The following PEX3 variants were observed in gnomAD, a reference collection of about 807,000 sequenced individuals.
PEX3 encodes peroxin-3.
In PEX3, 30 loss-of-function variants were observed where a neutral mutation model predicts 55.8. The ratio of observed to expected loss-of-function variants is 0.54; its 90% CI spans 0.40 to 0.73. PEX3 has a LOEUF of 0.73. PEX3 is among the 30% of genes least tolerant of loss of function. The pLI is 0.00. For missense variants in PEX3, 351 were observed against 432.8 expected, an observed-to-expected ratio of 0.81 and a Z score of 1.68; for synonymous variants, 135 against 148.4, an observed-to-expected ratio of 0.91 and a Z score of 0.66.
chr6:143,452,297 T>C (rs1340094238), intron 1 of PEX3, among the ~76,000 whole-genome samples: 2 of 152,220 alleles, frequency 1.3e-5, no homozygotes, highest in Non-Finnish European at 2.9e-5. Flanking sequence ...CTTCGAGAAA[T>C]CCTTTATATA....
Position 143,462,111 on chromosome 6 carries a change from T to C in PEX3, c.206-805T>C, listed in dbSNP as rs17072650. Among the ~76,000 whole-genome samples, 5,407 of 152,288 alleles carry C rather than the reference T, an allele frequency of 0.036. 317 individuals are homozygous for C. Among genetic ancestry groups the C allele is most frequent in the African/African-American group, 0.12 (5,072 of 41,534 alleles). ...ATTCTCCAGCATTTCTTATTCCACA[T>C]GTAGAGCCATAAATAAACTCCTAAA... On this transcript the variant is annotated intron_variant, in intron 2 of 11. Coordinates refer to ENST00000367591, the MANE Select transcript of PEX3 (RefSeq NM_003630.3). This position sits in a 1 kb window ranked among gnomAD's most constrained non-coding sequence, Gnocchi z 4.1.
rs1439363916 is a variant in PEX3 at position 143,458,153 on chromosome 6, GCTAA to G, written c.74-926_74-923del. 6.6e-6 allele frequency among the ~76,000 whole-genome samples: 1 copy of G among 152,134 alleles called. No individual in the cohort carries two copies. Among genetic ancestry groups the G allele is most frequent in the African/African-American group, 2.4e-5 (1 of 41,410 alleles). On this transcript the variant is annotated intron_variant, in intron 1 of 11. Coordinates refer to ENST00000367591, the MANE Select transcript of PEX3 (RefSeq NM_003630.3). The surrounding 1 kb of genome is among the most constrained non-coding windows in gnomAD (Gnocchi z 6.1). ...GGAATGTGGCTTTTGATCAAGTGTG[GCTAA>G]CTAACCACTCTGGAATGTTCACATT...
chr6:143,482,857 A>G lies in PEX3; in HGVS notation c.942-2295A>G, dbSNP rs187745316. 4.6e-4 allele frequency among the ~76,000 whole-genome samples: 70 copies of G among 152,244 alleles called. No individual in the cohort carries two copies. The highest frequency in any genetic ancestry group is 1.5e-3 in the African/African-American group (62 of 41,586). On this transcript the variant is annotated intron_variant, in intron 10 of 11. Transcript: ENST00000367591. This position sits in a 1 kb window ranked among gnomAD's most constrained non-coding sequence, Gnocchi z 5.5. ...ATATACTGATCGAAAACAGGTGACTATGTGACCTCAAGATGGAGAAGGTAT... is the reference window on the plus strand; with the variant it reads ...ATATACTGATCGAAAACAGGTGACTGTGTGACCTCAAGATGGAGAAGGTAT...
chr6:143,458,571 A>C lies in PEX3; in HGVS notation c.74-514A>C, dbSNP rs1474285101. Among the ~76,000 whole-genome samples the C allele has an allele frequency of 6.6e-6, 1 of 152,208 alleles. No homozygotes were observed. The highest frequency in any genetic ancestry group is 1.5e-5 in the Non-Finnish European group (1 of 68,032). The stretch of plus-strand genomic sequence containing the variant: ...ATGACCTGTTATCCCACCATTCAGC[A>C]ATGATCATTGTTTGTTATATTTTAG... On this transcript the variant is annotated intron_variant, in intron 1 of 11. Coordinates refer to ENST00000367591, the MANE Select transcript of PEX3 (RefSeq NM_003630.3). The surrounding 1 kb of genome is among the most constrained non-coding windows in gnomAD (Gnocchi z 6.1).
chr6:143,461,058 G>A (rs758169394), intron 2 of PEX3, among the ~76,000 whole-genome samples: 8 of 152,090 alleles, frequency 5.3e-5, no homozygotes, highest in Non-Finnish European at 8.8e-5. Flanking sequence ...GGCAAGCGAA[G>A]CATTTAGGCC....
chr6:143,478,850 T>C (rs1416556290), intron 9 of PEX3, among the ~76,000 whole-genome samples: 2 of 152,080 alleles, frequency 1.3e-5, no homozygotes, highest in Admixed American at 6.5e-5. Flanking sequence ...TTGTACAAAG[T>C]GCTGACTAGT....
At position 143,479,756 on chromosome 6, in the gene PEX3, T is replaced by C. The variant is rs1562657135; in HGVS notation, c.941+558T>C. On this transcript the variant is annotated intron_variant, in intron 10 of 11. Coordinates refer to ENST00000367591, the MANE Select transcript of PEX3 (RefSeq NM_003630.3). The surrounding 1 kb of genome is among the most constrained non-coding windows in gnomAD (Gnocchi z 4.6). ...TAACTATTACTAAATCATGGACTTA[T>C]GTATGCCATAAGGTATCTTACGGTT... 6.6e-6 allele frequency among the ~76,000 whole-genome samples: 1 copy of C among 152,116 alleles called. No individual in the cohort carries two copies. The highest frequency in any genetic ancestry group is 1.5e-5 in the Non-Finnish European group (1 of 67,954).
Position 143,489,271 on chromosome 6 carries a change from A to G in PEX3, c.*45A>G, listed in dbSNP as rs1236895928. The G allele has an allele frequency of 9.7e-7, 1 of 1,029,454 alleles. No individual in the cohort carries two copies. The highest frequency in any genetic ancestry group is 1.5e-6 in the Non-Finnish European group (1 of 646,730). The allele number at this position is 1,029,454 out of a possible 1,614,324, so 63.8% of individuals were successfully genotyped here. A position where few individuals can be genotyped will look rare whatever the true frequency, so the allele number is the denominator to read the frequency against. ...TACAGTGGGATTCATTTACTTTTTAAAATACACTGGGTAAATCACCTATAC... is the reference window on the plus strand; with the variant it reads ...TACAGTGGGATTCATTTACTTTTTAGAATACACTGGGTAAATCACCTATAC... On this transcript the variant is annotated 3_prime_UTR_variant, in exon 12 of 12. Transcript: ENST00000367591. The surrounding 1 kb of genome is among the most constrained non-coding windows in gnomAD (Gnocchi z 5.5).
chr6:143,486,368 G>T lies in PEX3; in HGVS notation c.1038+1120G>T, dbSNP rs1299200893. Reference sequence around the variant, plus strand: ...GGCTGTTCATTTTGACAGATGAGTGGAAATTACAACCAAGCATAAAGCATC... The same window carrying T: ...GGCTGTTCATTTTGACAGATGAGTGTAAATTACAACCAAGCATAAAGCATC... On this transcript the variant is annotated intron_variant, in intron 11 of 11. Coordinates refer to ENST00000367591, the MANE Select transcript of PEX3 (RefSeq NM_003630.3). This position sits in a 1 kb window ranked among gnomAD's most constrained non-coding sequence, Gnocchi z 5.0. Among the ~76,000 whole-genome samples the T allele has an allele frequency of 6.6e-6, 1 of 152,028 alleles. No individual in the cohort carries two copies. Among genetic ancestry groups the T allele is most frequent in the African/African-American group, 2.4e-5 (1 of 41,398 alleles).
intron 10 of PEX3, 191 bp from the exon 11 acceptor site, chr6:143,484,961 A>C (rs1053317598): frequency 7.1e-6 from 4 of 563,944 alleles, no homozygotes; most frequent in African/African-American, 1.9e-5. Flanking sequence ...GTGTAAAAAA[A>C]CGCCAAAAGA....
intron 8 of PEX3, among the ~76,000 whole-genome samples, chr6:143,472,590 T>A (rs1010027106): frequency 3.9e-5 from 6 of 152,186 alleles, no homozygotes; most frequent in Non-Finnish European, 8.8e-5. Context: ...TCTGGAGATG[T>A]AAAATGTGTA....
chr6:143,468,735 A>G (rs1050262758), intron 4 of PEX3, among the ~76,000 whole-genome samples: 2 of 150,156 alleles, frequency 1.3e-5, no homozygotes, highest in South Asian at 2.1e-4. Context: ...ATATGTATAC[A>G]TGTGCCATGT....
In PEX3 at chr6:143,479,066, C is replaced by T. The variant is rs1314661501; in HGVS notation, c.819-10C>T. ...TCTAAAAAGTAACTTATACTTCTTA[C>T]TTTATATAGCCCAGATTTTAGTACA... On this transcript the variant is annotated splice_polypyrimidine_tract_variant and intron_variant, in intron 9 of 11. Transcript: ENST00000367591. This position sits in a 1 kb window ranked among gnomAD's most constrained non-coding sequence, Gnocchi z 4.6. 9 of 1,537,530 alleles carry T rather than the reference C, an allele frequency of 5.9e-6. No individual in the cohort carries two copies. The highest frequency in any genetic ancestry group is 8.1e-6 in the Non-Finnish European group (9 of 1,111,094).
At position 143,485,611 on chromosome 6, in the gene PEX3, C is replaced by G. The variant is rs1780312876; in HGVS notation, c.1038+363C>G. Among the ~76,000 whole-genome samples, 1 of 151,888 alleles carries G rather than the reference C, an allele frequency of 6.6e-6. No homozygotes were observed. The highest frequency in any genetic ancestry group is 1.5e-5 in the Non-Finnish European group (1 of 67,938). On this transcript the variant is annotated intron_variant, in intron 11 of 11. Coordinates refer to ENST00000367591, the MANE Select transcript of PEX3 (RefSeq NM_003630.3). This position sits in a 1 kb window ranked among gnomAD's most constrained non-coding sequence, Gnocchi z 5.6. Reference sequence around the variant, plus strand: ...CCTGTTCTACACATTTTGAGGAAAACTAAAAAAATTTGTGGAGAAGTAAAG... The same window carrying G: ...CCTGTTCTACACATTTTGAGGAAAAGTAAAAAAATTTGTGGAGAAGTAAAG...
Position 143,476,956 on chromosome 6 carries a change from A to T in PEX3, c.818+2100A>T, listed in dbSNP as rs1045859580. ...CAAAGGAGACTGAGTAGGAGCTGCC[A>T]GCGAAAGAAAAGAAACACCAAAAGA... On this transcript the variant is annotated intron_variant, in intron 9 of 11. Coordinates refer to ENST00000367591, the MANE Select transcript of PEX3 (RefSeq NM_003630.3). The surrounding 1 kb of genome is among the most constrained non-coding windows in gnomAD (Gnocchi z 5.4). 3.8e-4 allele frequency among the ~76,000 whole-genome samples: 58 copies of T among 152,336 alleles called. 1 individual carries two copies. The highest frequency in any genetic ancestry group is 3.7e-3 in the Admixed American group (56 of 15,296).
At position 143,461,628 on chromosome 6, in the gene PEX3, A is replaced by G. The variant is rs145320927; in HGVS notation, c.206-1288A>G. Among the ~76,000 whole-genome samples, 136 of 151,884 alleles carry G rather than the reference A, an allele frequency of 9.0e-4. 1 individual carries two copies. The highest frequency in any genetic ancestry group is 2.8e-4 in the Non-Finnish European group (19 of 67,960). On this transcript the variant is annotated intron_variant, in intron 2 of 11. Transcript: ENST00000367591. ...TGGGGTAAATATAAGTAGTTTTCTT[A>G]CCCAAGAAGTTTTCCCTTTTAGAAT...
chr6:143,474,876 C>G lies in PEX3; in HGVS notation c.818+20C>G. 1 of 1,335,376 alleles carries G rather than the reference C, an allele frequency of 7.5e-7. No homozygotes were observed. Among genetic ancestry groups the G allele is most frequent in the Non-Finnish European group, 1.1e-6 (1 of 926,592 alleles). 82.7% of individuals were successfully genotyped at this position (1,335,376 alleles called of 1,614,324 possible). A position where few individuals can be genotyped will look rare whatever the true frequency, so the allele number is the denominator to read the frequency against. On this transcript the variant is annotated intron_variant, in intron 9 of 11. Transcript: ENST00000367591. ...GGAAAGGTATGTATACTTCATGTAG[C>G]AGGAAAAATATGTGTGTATGTTGAA...
intron 8 of PEX3, among the ~76,000 whole-genome samples, chr6:143,473,229 T>C (rs1039505051): frequency 2.6e-5 from 4 of 152,096 alleles, no homozygotes; most frequent in Non-Finnish European, 2.9e-5. Context: ...TGAGAGATCC[T>C]ACATTCATGA....
intron 4 of PEX3, among the ~76,000 whole-genome samples, chr6:143,468,547 A>G (rs994299627): frequency 6.6e-6 from 1 of 152,190 alleles, no homozygotes; most frequent in Non-Finnish European, 1.5e-5. Context: ...ACTAGGGCCT[A>G]CGTATCTGCT....
Sources: gnomAD v4.1 joint callset for allele counts (sites outside exome capture counted in the v4.1 genomes callset) on GRCh38, gnomAD v4.1.1 for gene constraint, Gnocchi (gnomAD v3.1) non-coding constraint, MANE v1.5 for transcripts, NCBI Gene and HGNC (gene_info 2026-07-23, HGNC 2026-07-21) for gene names.